INSR: variants seen among roughly 807,000 people sequenced by gnomAD.
INSR encodes insulin receptor.
Under a neutral mutation model 142.6 loss-of-function variants are expected in INSR, and 67 were observed. The observed-to-expected ratio is 0.47, with a 90% confidence interval of 0.39 to 0.58. The LOEUF is 0.58. Ranked by LOEUF, INSR falls within the 20% of genes least tolerant of loss-of-function variation. The pLI is 0.00. For missense variants in INSR, 1,248 were observed against 1,833.2 expected (o/e 0.68, Z 5.83); for synonymous variants, 756 against 743.1 (o/e 1.02, Z -0.28).
chr19:7,235,315 A>G (rs1012429424), intron 2 of INSR, among the ~76,000 whole-genome samples: 8 of 152,160 alleles, frequency 5.3e-5, no homozygotes, highest in Non-Finnish European at 1.0e-4. Flanking sequence ...CTCCAAACAC[A>G]GTCACGAACT....
chr19:7,128,721 A>T, intron 15 of INSR, 131 bp downstream of exon 15: 1 of 681,840 alleles, frequency 1.5e-6, no homozygotes, highest in East Asian at 2.7e-5. Flanking sequence ...AATTATCTGT[A>T]AATTGCATGT....
intron 9 of INSR, among the ~76,000 whole-genome samples, chr19:7,158,395 G>GGA (rs1973664323): frequency 6.6e-6 from 1 of 152,120 alleles, no homozygotes; most frequent in Admixed American, 6.6e-5. Context: ...CAGCTACTCG[G>GGA]GAGGCTGACG....
At chr19:7,153,485 G>GCCACACAACGGACCACACATA (rs1568450308) in intron 9 of INSR, among the ~76,000 whole-genome samples, 5 of 100,642 alleles carry the variant, frequency 5.0e-5, no homozygotes, top group South Asian at 3.2e-4. Context: ...CACCACACAC[G>GCCACACAACGGACCACACATA]CACCACACAC....
chr19:7,174,519 G>T lies in INSR; in HGVS notation c.1123+64C>A, dbSNP rs72549232. On this transcript the variant is annotated intron_variant, in intron 4 of 21. Coordinates refer to ENST00000302850, the MANE Select transcript of INSR (RefSeq NM_000208.4). ...AGGGTCTGCACTGCTTTTCTTCCCCGCTCACAGCTCAGAGGGACATGGAGC... is the reference window on the plus strand; with the variant it reads ...AGGGTCTGCACTGCTTTTCTTCCCCTCTCACAGCTCAGAGGGACATGGAGC... 7 of 1,586,176 alleles carry T rather than the reference G, an allele frequency of 4.4e-6. No homozygotes were observed. The Admixed American group carries it at 5.0e-5, about 11-fold the overall frequency.
At chr19:7,178,922 T>A (rs971332271) in intron 3 of INSR, among the ~76,000 whole-genome samples, 4 of 152,342 alleles carry the variant, frequency 2.6e-5, no homozygotes. Flanking sequence ...GCAGGGTTTT[T>A]AAATTTGAGA....
rs968661665 is a variant in INSR at position 7,117,251 on chromosome 19, C to T, written c.3954G>A (p.Glu1318=). 8 of 1,614,126 alleles carry T rather than the reference C, an allele frequency of 5.0e-6. No individual in the cohort carries two copies. The African/African-American group carries it at 9.3e-5, about 19-fold the overall frequency. The change falls in exon 22 of 22, where the codon GAG becomes GAA. Residue 1318 remains glutamate (E), a synonymous_variant. Transcript: ENST00000302850. ...ENKAPESEEL[E]MEFEDMENVP... The stretch of plus-strand genomic sequence containing the variant: ...CATTCTCCATGTCCTCAAACTCCAT[C>T]TCCAGCTCCTCACTCTCGGGAGCCT...
At chr19:7,273,544 A>T in intron 1 of INSR, among the ~76,000 whole-genome samples, 1 of 148,858 alleles carries the variant, frequency 6.7e-6, no homozygotes. Flanking sequence ...TTGAGACTTG[A>T]GTCTTACTCT....
At position 7,234,010 on chromosome 19, in the gene INSR, G is replaced by A. The variant is rs187836183; in HGVS notation, c.652+33335C>T. 6.0e-4 allele frequency among the ~76,000 whole-genome samples: 91 copies of A among 150,822 alleles called. 1 individual carries two copies. Among genetic ancestry groups the A allele is most frequent in the Admixed American group, 4.1e-3 (62 of 15,168 alleles). On this transcript the variant is annotated intron_variant, in intron 2 of 21. Transcript: ENST00000302850. ...CAACCTCCACCTCCCAGGTTCAAGT[G>A]ATTCTCCTGCCTCAGCCTCCCTAGT... is the stretch of plus-strand genomic sequence containing the variant.
intron 9 of INSR, among the ~76,000 whole-genome samples, chr19:7,158,616 TGAGTGTTTCATGGG>T: frequency 6.7e-6 from 1 of 149,020 alleles, no homozygotes; most frequent in East Asian, 2.0e-4. Flanking sequence ...AGAAGGGGAG[TGAGTGTTTCATGGG>T]GACAGAGTTT....
chr19:7,197,516 G>GGT (rs552352795), intron 2 of INSR, among the ~76,000 whole-genome samples: 742 of 70,922 alleles, frequency 0.01, 43 homozygotes, highest in East Asian at 0.017. Context: ...TGGGAGTGGG[G>GGT]GTGTGTGTGT....
At chr19:7,141,400 G>A (rs1195446816) in intron 13 of INSR, 9 of 480,660 alleles carry the variant, frequency 1.9e-5, no homozygotes, top group African/African-American at 3.9e-5. Context: ...AAAGTGAAAT[G>A]AGTCTCCTGT....
chr19:7,221,623 G>A (rs552226532), intron 2 of INSR, among the ~76,000 whole-genome samples: 216 of 150,988 alleles, frequency 1.4e-3, no homozygotes, highest in African/African-American at 4.7e-3. Context: ...CAGGAGAATC[G>A]CTTGAACCTG....
At chr19:7,219,678 A>G (rs1389433645) in intron 2 of INSR, among the ~76,000 whole-genome samples, 1 of 152,052 alleles carries the variant, frequency 6.6e-6, no homozygotes. Context: ...GAAGGGAAAG[A>G]AAGAAAATGA....
At position 7,174,625 on chromosome 19, in the gene INSR, T is replaced by G; in HGVS notation, c.1081A>C (p.Thr361Pro). 6.2e-7 allele frequency: 1 copy of G among 1,613,964 alleles called. No individual in the cohort carries two copies. Among genetic ancestry groups the G allele is most frequent in the African/African-American group, 1.3e-5 (1 of 74,974 alleles). ...VTSAQELRGC[T>P]VINGSLIINI... ...ATGATCAGACTCCCGTTGATGACGG[T>G]GCATCCTCGGAGCTCCTGGGCAGAC... is the stretch of plus-strand genomic sequence containing the variant. Residue 361 changes from threonine to proline, a missense_variant, in exon 4 of 22, where the codon ACC becomes CCC. This residue lies in a region of INSR where 1,069 missense variants were observed against 1,654.0 expected (regional missense o/e 0.65). Transcript: ENST00000302850.
At chr19:7,280,154 C>T (rs1279285332) in intron 1 of INSR, among the ~76,000 whole-genome samples, 1 of 152,056 alleles carries the variant, frequency 6.6e-6, no homozygotes, top group African/African-American at 2.4e-5. Context: ...GTCCCAGCTA[C>T]TCGGGAGGCT....
chr19:7,137,394 C>T (rs1972957564), intron 13 of INSR, among the ~76,000 whole-genome samples: 1 of 152,114 alleles, frequency 6.6e-6, no homozygotes, highest in Non-Finnish European at 1.5e-5. Flanking sequence ...ACTCTGTCTT[C>T]CTCTGGGTTT....
At chr19:7,281,492 C>G (rs928628858) in intron 1 of INSR, among the ~76,000 whole-genome samples, 2 of 149,770 alleles carry the variant, frequency 1.3e-5, no homozygotes, top group Non-Finnish European at 3.0e-5. Flanking sequence ...CTGGGCAACA[C>G]AGCCAGACCC....
rs52826008 is a variant in INSR, at chr19:7,117,072, C to G, written c.4133G>C (p.Arg1378Pro). Residue 1378 changes from arginine to proline, a missense_variant, in exon 22 of 22, where the codon CGG becomes CCG. Arg to Pro is a moderately radical substitution (Grantham distance 103). This residue lies in a region of INSR where 122 missense variants were observed against 129.8 expected (regional missense o/e 0.94). Transcript: ENST00000302850. ...TAGGCACTGTTAGGAAGGATTGGACCGAGGCAAGGTCAGAATCCGCCCGTT... is the reference window on the plus strand; with the variant it reads ...TAGGCACTGTTAGGAAGGATTGGACGGAGGCAAGGTCAGAATCCGCCCGTT... Reference protein sequence around the residue: ...KKNGRILTLPRSNPS With the variant: ...KKNGRILTLPPSNPS 7 of 1,613,918 alleles carry G rather than the reference C, an allele frequency of 4.3e-6. No individual in the cohort carries two copies. The Admixed American group carries it at 5.0e-5, about 12-fold the overall frequency.
At chr19:7,249,476 G>A (rs934257344) in intron 2 of INSR, among the ~76,000 whole-genome samples, 5 of 152,096 alleles carry the variant, frequency 3.3e-5, no homozygotes, top group African/African-American at 1.2e-4. Context: ...CGTCGGCACC[G>A]TTTTACCGCA....
Sources: gnomAD v4.1 joint callset for allele counts (sites outside exome capture counted in the v4.1 genomes callset) on GRCh38, gnomAD v4.1.1 for gene constraint, gnomAD v4.1.1 regional missense constraint, MANE v1.5 for transcripts, NCBI Gene and HGNC (gene_info 2026-07-23, HGNC 2026-07-21) for gene names.